The following DCAF8L2 variants were observed in gnomAD, a reference collection of about 807,000 sequenced individuals.
The protein encoded by DCAF8L2 is DDB1- and CUL4-associated factor 8-like protein 2.
For missense variants in DCAF8L2, 430 were observed against 490.7 expected (o/e 0.88, Z 1.17); for synonymous variants, 200 against 190.9 (o/e 1.05, Z -0.39).
chrX:27,694,027 C>T (rs1347258068), intron 3 of DCAF8L2, among the ~76,000 whole-genome samples: 1 of 111,878 alleles, frequency 8.9e-6, no homozygotes, highest in African/African-American at 3.2e-5. Context: ...TACTATGTAG[C>T]CACAAAAAAG....
chrX:27,565,173 C>T, the DCAF8L2 span, among the ~76,000 whole-genome samples: 1 of 110,648 alleles, frequency 9.0e-6, no homozygotes, highest in African/African-American at 3.3e-5. Flanking sequence ...TTGATTATGA[C>T]ATTAGCTGTG....
intron 4 of DCAF8L2, among the ~76,000 whole-genome samples, chrX:27,719,938 T>A (rs1407472294): frequency 9.0e-6 from 1 of 111,201 alleles, no homozygotes; most frequent in Non-Finnish European, 1.9e-5. Context: ...TTATGCTTTT[T>A]TTATATCCTG....
At chrX:27,625,974 A>G (rs1274364132) in intron 1 of DCAF8L2, among the ~76,000 whole-genome samples, 2 of 111,648 alleles carry the variant, frequency 1.8e-5, no homozygotes, top group South Asian at 3.8e-4. Context: ...CAATTTGCCT[A>G]TGTAACAATC....
chrX:27,514,269 GTGCACATATGTACATATGTGTGTGCATA>G, the DCAF8L2 span, among the ~76,000 whole-genome samples: 1 of 36,728 alleles, frequency 2.7e-5, no homozygotes, highest in South Asian at 2.3e-3. Context: ...GTGTGCATAT[GTGCACATATGTACATATGTGTGTGCATA>G]TGTGCACATA....
At chrX:27,526,753 C>T in the DCAF8L2 span, among the ~76,000 whole-genome samples, 2 of 112,374 alleles carry the variant, frequency 1.8e-5, no homozygotes, top group Non-Finnish European at 3.8e-5. Context: ...AGTCAGGACC[C>T]TCAGCTGCAG....
chrX:27,641,843 AT>A (rs1214844419), intron 2 of DCAF8L2, among the ~76,000 whole-genome samples: 3 of 107,304 alleles, frequency 2.8e-5, no homozygotes, highest in Non-Finnish European at 5.8e-5. Context: ...CCACTTTTAA[AT>A]TTTTCTCTTT....
the DCAF8L2 span, chrX:27,518,145 C>T: frequency 1.1e-6 from 1 of 927,392 alleles, no homozygotes; most frequent in East Asian, 3.1e-5. Flanking sequence ...TTTAAGAAGC[C>T]ATCTTAAAGG....
intron 2 of DCAF8L2, among the ~76,000 whole-genome samples, chrX:27,648,793 C>T (rs950734772): frequency 5.4e-5 from 6 of 110,549 alleles, no homozygotes; most frequent in Non-Finnish European, 9.5e-5. Context: ...TATAATAAGC[C>T]GAAGTAGGAT....
intron 1 of DCAF8L2, among the ~76,000 whole-genome samples, chrX:27,616,738 G>T (rs1927497667): frequency 1.8e-5 from 2 of 111,278 alleles, no homozygotes. Flanking sequence ...ATCAGAGAGA[G>T]GCTCTTTGTC....
intron 3 of DCAF8L2, among the ~76,000 whole-genome samples, chrX:27,689,535 G>A (rs1035618134): frequency 8.9e-6 from 1 of 112,665 alleles, no homozygotes. Context: ...GTGAGCCACC[G>A]CACCCAGCCC....
the DCAF8L2 span, among the ~76,000 whole-genome samples, chrX:27,477,704 A>G: frequency 2.7e-5 from 3 of 111,126 alleles, no homozygotes; most frequent in Non-Finnish European, 5.7e-5. Flanking sequence ...CTCCAAACCC[A>G]TTTTGCCATC....
At chrX:27,569,570 T>G in the DCAF8L2 span, among the ~76,000 whole-genome samples, 1 of 112,437 alleles carries the variant, frequency 8.9e-6, no homozygotes, top group African/African-American at 3.2e-5. Flanking sequence ...AGGGATTGTC[T>G]AATTCAGGTA....
At chrX:27,536,525 C>A in the DCAF8L2 span, among the ~76,000 whole-genome samples, 1 of 112,231 alleles carries the variant, frequency 8.9e-6, no homozygotes, top group African/African-American at 3.2e-5. Context: ...ACTTTTGTTG[C>A]AGAACTTTAC....
chrX:27,591,012 T>TAA (rs1555916206), intron 1 of DCAF8L2, among the ~76,000 whole-genome samples: 2 of 88,533 alleles, frequency 2.3e-5, no homozygotes, highest in African/African-American at 8.5e-5. Context: ...TATATATATA[T>TAA]ATAAATAAAT....
chrX:27,512,779 CAAAAAAAAAAAAAAAAAAA>C, the DCAF8L2 span, among the ~76,000 whole-genome samples: 1 of 18,550 alleles, frequency 5.4e-5, no homozygotes, highest in African/African-American at 2.2e-4. Context: ...CAATCTTGAG[CAAAAAAAAAAAAAAAAAAA>C]AAAAAAAAAA....
chrX:27,565,089 G>A, the DCAF8L2 span, among the ~76,000 whole-genome samples: 7 of 109,756 alleles, frequency 6.4e-5, no homozygotes, highest in Non-Finnish European at 1.3e-4. Flanking sequence ...CATTAGTTCT[G>A]TCCCTCTAGA....
the DCAF8L2 span, among the ~76,000 whole-genome samples, chrX:27,546,937 T>A: frequency 8.9e-6 from 1 of 112,320 alleles, no homozygotes; most frequent in African/African-American, 3.2e-5. Context: ...TAACATTTGG[T>A]TTATCTTTAC....
chrX:27,474,234 A>G, the DCAF8L2 span, among the ~76,000 whole-genome samples: 18 of 112,433 alleles, frequency 1.6e-4, no homozygotes, highest in East Asian at 4.5e-3. Context: ...ATTAAAAAGT[A>G]CATTGCAAAA....
the DCAF8L2 span, among the ~76,000 whole-genome samples, chrX:27,524,496 A>AT: frequency 1.9e-5 from 2 of 105,510 alleles, no homozygotes; most frequent in African/African-American, 3.5e-5. Flanking sequence ...GGATTCATTG[A>AT]TTTTTTGAAG....
Sources: gnomAD v4.1 joint callset for allele counts (sites outside exome capture counted in the v4.1 genomes callset) on GRCh38, gnomAD v4.1.1 for gene constraint, MANE v1.5 for transcripts, NCBI Gene and HGNC (gene_info 2026-07-23, HGNC 2026-07-21) for gene names.